Variants in GPR158 observed in about 807,000 individuals in gnomAD.
GPR158 encodes G protein-coupled receptor 158, also known as metabotropic glycine receptor.
A neutral mutation model predicts 78.2 loss-of-function variants in GPR158; 30 were observed. The ratio of observed to expected loss-of-function variants is 0.38; its 90% CI spans 0.29 to 0.52. GPR158 has a LOEUF of 0.52. Among genes scored for constraint, GPR158 ranks in the 20% least tolerant of loss-of-function variants. The pLI, the probability that GPR158 is intolerant of heterozygous loss-of-function variation, is 0.83. For missense variants in GPR158, 1,463 were observed against 1,523.5 expected, an observed-to-expected ratio of 0.96 and a Z score of 0.66; for synonymous variants, 581 against 591.1, an observed-to-expected ratio of 0.98 and a Z score of 0.25.
intron 3 of GPR158, among the ~76,000 whole-genome samples, chr10:25,397,202 C>T (rs1011043940): frequency 3.3e-5 from 5 of 152,160 alleles, no homozygotes; most frequent in Non-Finnish European, 5.9e-5. Context: ...GGCTTCTATT[C>T]CAGAATTGAA....
chr10:25,176,034 ACCTGTCCTC>A lies in GPR158; in HGVS notation c.616_624del (p.Leu206_Ser208del). ...GAGGAGAGCCGCATCCTGCTCCAAG[ACCTGTCCTC>A]CTCCGCACCCCACCTGGCCAACGCC... On this transcript the variant is annotated inframe_deletion, in exon 1 of 11. Transcript: ENST00000376351. This position sits in a 1 kb window ranked among gnomAD's most constrained non-coding sequence, Gnocchi z 6.3. The A allele has an allele frequency of 6.2e-7, 1 of 1,610,698 alleles. No individual in the cohort carries two copies.
intron 2 of GPR158, among the ~76,000 whole-genome samples, chr10:25,331,228 C>T (rs1855116141): frequency 1.3e-5 from 2 of 152,212 alleles, no homozygotes; most frequent in African/African-American, 4.8e-5. Context: ...GTGTGAACCA[C>T]TGTGCTCAGT....
intron 2 of GPR158, among the ~76,000 whole-genome samples, chr10:25,343,690 C>T (rs1855333920): frequency 6.6e-6 from 1 of 151,948 alleles, no homozygotes; most frequent in South Asian, 2.1e-4. Flanking sequence ...CTAAATGAAT[C>T]TCAGAACATG....
At chr10:25,371,405 C>G (rs958127295) in intron 2 of GPR158, among the ~76,000 whole-genome samples, 1 of 151,690 alleles carries the variant, frequency 6.6e-6, no homozygotes, top group African/African-American at 2.4e-5. Context: ...CATGTCAATC[C>G]TAAGCCAAAA....
At chr10:25,212,401 G>C (rs1007347732) in intron 1 of GPR158, among the ~76,000 whole-genome samples, 24 of 152,084 alleles carry the variant, frequency 1.6e-4, no homozygotes, top group Non-Finnish European at 3.5e-4. Flanking sequence ...GAACAGCACT[G>C]AGGGGATGGT....
At chr10:25,521,159 C>T (rs537987306) in intron 5 of GPR158, among the ~76,000 whole-genome samples, 15 of 152,210 alleles carry the variant, frequency 9.9e-5, no homozygotes, top group African/African-American at 3.6e-4. Context: ...TTCTTTGACT[C>T]GGAAAGGAAA....
intron 1 of GPR158, among the ~76,000 whole-genome samples, chr10:25,210,549 T>C (rs1181308377): frequency 6.6e-6 from 1 of 152,248 alleles, no homozygotes; most frequent in Non-Finnish European, 1.5e-5. Context: ...TAAATATTTT[T>C]TTTTGCCAGT....
intron 6 of GPR158, among the ~76,000 whole-genome samples, chr10:25,556,165 A>G (rs544294530): frequency 6.5e-4 from 99 of 152,186 alleles, no homozygotes; most frequent in African/African-American, 2.3e-3. Flanking sequence ...ATCTGCCTCA[A>G]CAGACCACAG....
chr10:25,379,592 C>G (rs1834126799), intron 2 of GPR158, among the ~76,000 whole-genome samples: 1 of 145,840 alleles, frequency 6.9e-6, no homozygotes, highest in Non-Finnish European at 1.5e-5. Flanking sequence ...TGCTTAGTTT[C>G]TTAGAGTTTC....
intron 4 of GPR158, among the ~76,000 whole-genome samples, chr10:25,449,720 A>G (rs1835188484): frequency 6.6e-6 from 1 of 152,182 alleles, no homozygotes; most frequent in Non-Finnish European, 1.5e-5. Flanking sequence ...CATCCCTGAG[A>G]GGAGATTTTA....
At chr10:25,532,143 A>G (rs59780253) in intron 5 of GPR158, among the ~76,000 whole-genome samples, 5,013 of 152,254 alleles carry the variant, frequency 0.033, 282 homozygotes, top group African/African-American at 0.11. Context: ...TGTTTTGCAC[A>G]TTTTCTTTAA....
chr10:25,196,564 A>G (rs7081232), intron 1 of GPR158, among the ~76,000 whole-genome samples: 11,946 of 152,248 alleles, frequency 0.078, 685 homozygotes, highest in East Asian at 0.25. Context: ...GTTAGGTGGG[A>G]CGTATCTTGT....
At position 25,599,768 on chromosome 10, in the gene GPR158, TC is replaced by T. The variant is rs1373037743; in HGVS notation, c.*495del. On this transcript the variant is annotated 3_prime_UTR_variant, in exon 11 of 11. Transcript: ENST00000376351. ...AAATATCTTTTATATTAATGATTGC[TC>T]TCATTTTCTTATAAATGTATGTTTC... 1 of 154,390 alleles carries T rather than the reference TC, an allele frequency of 6.5e-6. No homozygotes were observed. Among genetic ancestry groups the T allele is most frequent in the Non-Finnish European group, 1.4e-5 (1 of 69,234 alleles). The allele number at this position is 154,390 out of a possible 1,614,324, so 9.6% of individuals were successfully genotyped here. A position where few individuals can be genotyped will look rare whatever the true frequency, so the allele number is the denominator to read the frequency against.
rs1279358762 is a variant in GPR158 at position 25,430,468 on chromosome 10, A to G, written c.1335+17995A>G. On this transcript the variant is annotated intron_variant, in intron 4 of 10. Transcript: ENST00000376351. ...AATTTACAGATTCAATGCCATCCCCATCGAGCTACCAATGACTTTCTTGAG... is the reference window on the plus strand; with the variant it reads ...AATTTACAGATTCAATGCCATCCCCGTCGAGCTACCAATGACTTTCTTGAG... 3.4e-5 allele frequency among the ~76,000 whole-genome samples: 5 copies of G among 148,580 alleles called. No individual in the cohort carries two copies. The East Asian group carries it at 7.8e-4, about 23-fold the overall frequency.
At chr10:25,444,388 A>C (rs1030260622) in intron 4 of GPR158, among the ~76,000 whole-genome samples, 6 of 149,740 alleles carry the variant, frequency 4.0e-5, no homozygotes, top group Non-Finnish European at 7.4e-5. Context: ...GTAGGTGTGT[A>C]TGGGGGTGTC....
chr10:25,558,065 A>G (rs1836808486), intron 6 of GPR158, among the ~76,000 whole-genome samples: 1 of 152,218 alleles, frequency 6.6e-6, no homozygotes, highest in African/African-American at 2.4e-5. Flanking sequence ...ATATTTATAT[A>G]CATGTTCTAA....
At chr10:25,461,944 G>A (rs1044262439) in intron 4 of GPR158, among the ~76,000 whole-genome samples, 3 of 151,866 alleles carry the variant, frequency 2.0e-5, no homozygotes, top group Non-Finnish European at 4.4e-5. Context: ...GTTTCACCAT[G>A]TTAGCCAGGA....
At chr10:25,285,141 C>T (rs1854332696) in intron 2 of GPR158, among the ~76,000 whole-genome samples, 1 of 151,474 alleles carries the variant, frequency 6.6e-6, no homozygotes, top group African/African-American at 2.4e-5. Flanking sequence ...TTATTTCTGC[C>T]TGAAGAACTC....
chr10:25,237,632 A>G (rs144385280), intron 2 of GPR158, among the ~76,000 whole-genome samples: 23 of 152,282 alleles, frequency 1.5e-4, no homozygotes, highest in African/African-American at 5.5e-4. Context: ...CTCATTCACC[A>G]TTGTCATGTA....
Sources: allele counts gnomAD v4.1 joint callset (sites outside exome capture counted in the v4.1 genomes callset), GRCh38; gene constraint gnomAD v4.1.1; non-coding constraint Gnocchi (gnomAD v3.1); transcripts MANE v1.5; gene names NCBI Gene and HGNC (gene_info 2026-07-23, HGNC 2026-07-21).